Variants in KIAA0319L observed in about 807,000 individuals in gnomAD.
The protein encoded by KIAA0319L is KIAA0319 like.
KIAA0319L carries 55 observed loss-of-function variants against 120.1 expected under a neutral mutation model. That is an observed-to-expected ratio of 0.46 (90% CI 0.37 to 0.57). KIAA0319L has a LOEUF of 0.57. KIAA0319L is among the 20% of genes least tolerant of loss of function. The pLI is 0.00. For synonymous variants in KIAA0319L, 398 were observed against 471.9 expected, an observed-to-expected ratio of 0.84 and a Z score of 2.03; for missense variants, 1,049 against 1,255.3, an observed-to-expected ratio of 0.84 and a Z score of 2.48.
Position 35,506,665 on chromosome 1 carries a change from T to G in KIAA0319L, c.613A>C (p.Lys205Gln), listed in dbSNP as rs1407672420. The G allele has an allele frequency of 3.1e-6, 5 of 1,614,214 alleles. No individual in the cohort carries two copies. Among genetic ancestry groups the G allele is most frequent in the South Asian group, 2.2e-5 (2 of 91,080 alleles). The change falls in exon 3 of 21, where the codon AAA becomes CAA. Residue 205 changes from lysine (K) to glutamine (Q), a missense_variant. Transcript: ENST00000325722. This position sits in a 1 kb window ranked among gnomAD's most constrained non-coding sequence, Gnocchi z 4.0. The stretch of plus-strand genomic sequence containing the variant: ...CCTAATTCGTTGGAGTCATTCACTT[T>G]AGAATGCTGTGTCACTATAGGTGTA... ...VVTPIVTQHSKVNDSNELGGL... is the reference protein window; with the variant it reads ...VVTPIVTQHSQVNDSNELGGL...
At position 35,449,747 on chromosome 1, in the gene KIAA0319L, A is replaced by G. The variant is rs558857555; in HGVS notation, c.2353+120T>C. 3.2e-4 allele frequency: 349 copies of G among 1,107,522 alleles called. 3 individuals are homozygous for G. The highest frequency in any genetic ancestry group is 2.6e-3 in the South Asian group (180 of 68,102). The allele number at this position is 1,107,522 out of a possible 1,614,324, so 68.6% of individuals were successfully genotyped here. A position where few individuals can be genotyped will look rare whatever the true frequency, so the allele number is the denominator to read the frequency against. ...TTTTTCAGCTTGGGGTTTCTCGATT[A>G]TTTTTAAAGCTGGACATGCCATCTG... On this transcript the variant is annotated intron_variant, in intron 15 of 20. Transcript: ENST00000325722.
intron 3 of KIAA0319L, among the ~76,000 whole-genome samples, chr1:35,494,658 AC>A (rs1487570283): frequency 6.6e-6 from 1 of 151,384 alleles, no homozygotes; most frequent in Non-Finnish European, 1.5e-5. Flanking sequence ...AAAAAAAAAA[AC>A]AAACTAGCAG....
intron 2 of KIAA0319L, among the ~76,000 whole-genome samples, chr1:35,541,872 G>C (rs1255408575): frequency 6.6e-6 from 1 of 152,176 alleles, no homozygotes; most frequent in Non-Finnish European, 1.5e-5. Flanking sequence ...GCTGGGGGAA[G>C]AAACAAGTGG....
chr1:35,467,179 C>T (rs879397930), intron 6 of KIAA0319L, among the ~76,000 whole-genome samples: 2 of 151,834 alleles, frequency 1.3e-5, no homozygotes, highest in Non-Finnish European at 2.9e-5. Flanking sequence ...TTTCAAATAT[C>T]TCTGTACTCC....
chr1:35,453,672 G>C lies in KIAA0319L; in HGVS notation c.1798C>G (p.Gln600Glu). 1.2e-6 allele frequency: 2 copies of C among 1,613,696 alleles called. No individual in the cohort carries two copies. Among genetic ancestry groups the C allele is most frequent in the Non-Finnish European group, 1.7e-6 (2 of 1,179,754 alleles). The change falls in exon 12 of 21, where the codon CAG (glutamine) becomes GAG (glutamate). Residue 600 changes from glutamine (Q) to glutamate (E), a missense_variant. Gln to Glu is a conservative substitution (Grantham distance 29). Transcript: ENST00000325722. The surrounding 1 kb of genome is among the most constrained non-coding windows in gnomAD (Gnocchi z 4.1). ...TCTTTATCTGGGCCTGCATCTGCCT[G>C]AGGAGGCTTATTGTTTTCTGGAAGA... ...IVQPENNKPP[Q>E]ADAGPDKELT... is the part of the protein sequence containing the mutation.
intron 2 of KIAA0319L, among the ~76,000 whole-genome samples, chr1:35,513,395 G>C (rs1645554789): frequency 6.7e-6 from 1 of 148,448 alleles, no homozygotes; most frequent in Non-Finnish European, 1.5e-5. Context: ...CAGGAGAATA[G>C]TTTGAGCTCA....
chr1:35,453,720 A>T lies in KIAA0319L; in HGVS notation c.1781-31T>A, dbSNP rs1558311360. On this transcript the variant is annotated intron_variant, in intron 11 of 20. Coordinates refer to ENST00000325722, the MANE Select transcript of KIAA0319L (RefSeq NM_024874.5). This position sits in a 1 kb window ranked among gnomAD's most constrained non-coding sequence, Gnocchi z 4.1. ...AGACAAAGAGTTAGAGGTCAAAAGCAGCCAGTCCAGGTGGGAAAGGAGAGG... is the reference window on the plus strand; with the variant it reads ...AGACAAAGAGTTAGAGGTCAAAAGCTGCCAGTCCAGGTGGGAAAGGAGAGG... The T allele has an allele frequency of 6.2e-7, 1 of 1,604,076 alleles. No individual in the cohort carries two copies. The highest frequency in any genetic ancestry group is 8.5e-7 in the Non-Finnish European group (1 of 1,174,010).
intron 9 of KIAA0319L, 41 bp downstream of exon 9, chr1:35,460,264 A>C: frequency 1.9e-6 from 3 of 1,573,724 alleles, no homozygotes; most frequent in Non-Finnish European, 2.6e-6. Context: ...GAGAGGCAAA[A>C]AAATGGCCTA....
At chr1:35,454,580 C>A in intron 10 of KIAA0319L, 95 bp from the exon 11 acceptor site, 1 of 1,543,958 alleles carries the variant, frequency 6.5e-7, no homozygotes, top group Non-Finnish European at 8.8e-7. Flanking sequence ...TTTTCTAAAC[C>A]AAAGACCTAA....
intron 20 of KIAA0319L, among the ~76,000 whole-genome samples, chr1:35,436,231 C>T (rs1640778742): frequency 6.6e-6 from 1 of 152,244 alleles, no homozygotes; most frequent in Admixed American, 6.5e-5. Context: ...GCTCTCCAGG[C>T]TGAGCGCATC....
In KIAA0319L at chr1:35,506,356, C is replaced by T. The variant is rs1570874115; in HGVS notation, c.666+256G>A. On this transcript the variant is annotated intron_variant, in intron 3 of 20. Transcript: ENST00000325722. The surrounding 1 kb of genome is among the most constrained non-coding windows in gnomAD (Gnocchi z 4.0). ...AACTGTACTTACCTGTAGCCAAGAA[C>T]CAGCTTAGACTAGATAATGAGCAGC... is the stretch of plus-strand genomic sequence containing the variant. 6.6e-6 allele frequency among the ~76,000 whole-genome samples: 1 copy of T among 152,174 alleles called. No homozygotes were observed. The highest frequency in any genetic ancestry group is 6.5e-5 in the Admixed American group (1 of 15,280).
intron 3 of KIAA0319L, among the ~76,000 whole-genome samples, chr1:35,486,431 ATTTT>A (rs899020683): frequency 2.0e-5 from 3 of 150,062 alleles, no homozygotes; most frequent in African/African-American, 7.3e-5. Context: ...TTCTGCTTCT[ATTTT>A]ATTTCTAGAT....
At chr1:35,528,418 T>C (rs559357901) in intron 2 of KIAA0319L, among the ~76,000 whole-genome samples, 1 of 152,244 alleles carries the variant, frequency 6.6e-6, no homozygotes, top group Non-Finnish European at 1.5e-5. Flanking sequence ...TTAATTTCCA[T>C]GTATTTGTAT....
intron 16 of KIAA0319L, 121 bp downstream of exon 16, chr1:35,448,052 A>G (rs1322234967): frequency 6.4e-6 from 6 of 934,140 alleles, no homozygotes; most frequent in South Asian, 1.7e-5. Context: ...AAAAGGCAAC[A>G]TGAGTGTTTC....
At chr1:35,458,014 C>A (rs926742659) in intron 9 of KIAA0319L, among the ~76,000 whole-genome samples, 1 of 152,190 alleles carries the variant, frequency 6.6e-6, no homozygotes, top group Non-Finnish European at 1.5e-5. Context: ...CGGCTCACTG[C>A]AAGCTCCGCC....
At chr1:35,537,385 C>CT (rs138689877) in intron 2 of KIAA0319L, among the ~76,000 whole-genome samples, 18,451 of 126,720 alleles carry the variant, frequency 0.15, 2,678 homozygotes, top group East Asian at 0.53. Context: ...CTTTCCTTTC[C>CT]TTTTTTTTTT....
chr1:35,490,677 T>C (rs1348607331), intron 3 of KIAA0319L, among the ~76,000 whole-genome samples: 4 of 152,222 alleles, frequency 2.6e-5, no homozygotes, highest in African/African-American at 9.6e-5. Context: ...TATCAAACTT[T>C]TAATATAAAT....
chr1:35,543,255 A>G (rs757430443), intron 2 of KIAA0319L, among the ~76,000 whole-genome samples: 1 of 152,222 alleles, frequency 6.6e-6, no homozygotes, highest in Non-Finnish European at 1.5e-5. Flanking sequence ...GTTAACAGCC[A>G]GAAAACTCTA....
intron 2 of KIAA0319L, among the ~76,000 whole-genome samples, chr1:35,518,593 A>T (rs955307192): frequency 2.0e-5 from 3 of 152,166 alleles, no homozygotes; most frequent in African/African-American, 7.2e-5. Flanking sequence ...AGAAAAAAAT[A>T]ACTATTGGGT....
Sources: gnomAD v4.1 joint callset for allele counts (sites outside exome capture counted in the v4.1 genomes callset) on GRCh38, gnomAD v4.1.1 for gene constraint, Gnocchi (gnomAD v3.1) non-coding constraint, MANE v1.5 for transcripts, NCBI Gene and HGNC (gene_info 2026-07-23, HGNC 2026-07-21) for gene names.